KLHL8: variants seen among roughly 807,000 people sequenced by gnomAD.
The protein encoded by KLHL8 is kelch like family member 8.
In KLHL8, 38 loss-of-function variants were observed where a neutral mutation model predicts 63.5. The ratio of observed to expected loss-of-function variants is 0.60; its 90% CI spans 0.46 to 0.78. The LOEUF (loss-of-function observed/expected upper bound fraction) is 0.78, where lower values mean the gene tolerates loss of function less well. KLHL8 is among the 30% of genes least tolerant of loss of function. KLHL8 has a pLI of 0.00. For synonymous variants in KLHL8, 224 were observed against 254.3 expected, an observed-to-expected ratio of 0.88 and a Z score of 1.13; for missense variants, 566 against 752.4, an observed-to-expected ratio of 0.75 and a Z score of 2.90.
chr4:87,218,798 G>GAT (rs1732702311), intron 1 of KLHL8, among the ~76,000 whole-genome samples: 2 of 152,016 alleles, frequency 1.3e-5, no homozygotes, highest in Non-Finnish European at 2.9e-5. Context: ...GCAGTGGCAT[G>GAT]ATCTCGGTTC....
At chr4:87,187,127 A>T (rs1731292061) in intron 2 of KLHL8, among the ~76,000 whole-genome samples, 1 of 152,228 alleles carries the variant, frequency 6.6e-6, no homozygotes, top group Non-Finnish European at 1.5e-5. Flanking sequence ...AATTATTGTA[A>T]GTAGAGATGC....
intron 1 of KLHL8, among the ~76,000 whole-genome samples, chr4:87,209,933 A>C (rs1400761501): frequency 6.8e-6 from 1 of 146,916 alleles, no homozygotes; most frequent in Non-Finnish European, 1.5e-5. Context: ...GGCTTACTGC[A>C]ATCTCTGACT....
chr4:87,177,504 C>CA (rs905078762), intron 5 of KLHL8, among the ~76,000 whole-genome samples: 5 of 150,250 alleles, frequency 3.3e-5, no homozygotes, highest in Admixed American at 6.7e-5. Flanking sequence ...AACTTCATCT[C>CA]AAAAAAAACA....
At chr4:87,202,509 T>C (rs908356296) in intron 1 of KLHL8, among the ~76,000 whole-genome samples, 4 of 152,152 alleles carry the variant, frequency 2.6e-5, no homozygotes, top group African/African-American at 7.2e-5. Flanking sequence ...GAGACTATCA[T>C]TGCAAACCCC....
chr4:87,176,688 T>C (rs1730827912), intron 6 of KLHL8, 69 bp downstream of exon 6: 2 of 900,272 alleles, frequency 2.2e-6, no homozygotes, highest in Non-Finnish European at 3.5e-6. Context: ...AAGTTTAAAA[T>C]AAGGCCTTTA....
intron 2 of KLHL8, among the ~76,000 whole-genome samples, chr4:87,186,048 T>G (rs753465984): frequency 1.9e-4 from 28 of 148,154 alleles, no homozygotes; most frequent in Non-Finnish European, 2.9e-4. Context: ...AAAAAAAATT[T>G]TTTTTTTTGA....
At chr4:87,239,422 G>A (rs1200709739) in intron 1 of KLHL8, among the ~76,000 whole-genome samples, 2 of 152,216 alleles carry the variant, frequency 1.3e-5, no homozygotes, top group African/African-American at 4.8e-5. Flanking sequence ...CTTGGCAGGA[G>A]CAAAGCTCCG....
intron 1 of KLHL8, among the ~76,000 whole-genome samples, chr4:87,203,286 C>T (rs1179082805): frequency 2.0e-5 from 3 of 151,998 alleles, no homozygotes; most frequent in Non-Finnish European, 2.9e-5. Flanking sequence ...ACCTGTAATC[C>T]CAGCACTTTG....
intron 1 of KLHL8, among the ~76,000 whole-genome samples, chr4:87,198,917 T>G (rs998878878): frequency 3.9e-5 from 6 of 152,202 alleles, no homozygotes; most frequent in Non-Finnish European, 8.8e-5. Context: ...AATTTCCTAG[T>G]ACAAAAGTTA....
In KLHL8 at chr4:87,195,422, C is replaced by G; in HGVS notation, c.118G>C (p.Asp40His). ...TCATTTGCTTCAAAAATAAAGGAATCTTCTCCATCACCATCACTAATTGAG... is the reference window on the plus strand; with the variant it reads ...TCATTTGCTTCAAAAATAAAGGAATGTTCTCCATCACCATCACTAATTGAG... ...RSSISDGDGE[D>H]SFIFEANEAW... Residue 40 changes from aspartate (D) to histidine (H), a missense_variant, in exon 2 of 10, where the codon GAT becomes CAT. Asp to His is a moderately conservative substitution (Grantham distance 81). Coordinates refer to ENST00000273963, the MANE Select transcript of KLHL8 (RefSeq NM_020803.5). 6.2e-7 allele frequency: 1 copy of G among 1,613,872 alleles called. No homozygotes were observed. The highest frequency in any genetic ancestry group is 8.5e-7 in the Non-Finnish European group (1 of 1,179,876).
intron 1 of KLHL8, among the ~76,000 whole-genome samples, chr4:87,214,047 T>A (rs1025309039): frequency 4.6e-5 from 7 of 152,166 alleles, no homozygotes; most frequent in African/African-American, 1.7e-4. Context: ...TAAACAGATG[T>A]TATTACTTTT....
intron 3 of KLHL8, among the ~76,000 whole-genome samples, 166 bp from the exon 4 acceptor site, chr4:87,183,555 C>T (rs1399444072): frequency 6.6e-6 from 1 of 152,154 alleles, no homozygotes; most frequent in African/African-American, 2.4e-5. Context: ...TGAAATGTAA[C>T]ATGTTCATGA....
intron 2 of KLHL8, among the ~76,000 whole-genome samples, chr4:87,190,252 A>G (rs953318590): frequency 6.6e-6 from 1 of 152,152 alleles, no homozygotes; most frequent in Non-Finnish European, 1.5e-5. Context: ...TTGTTTTGAC[A>G]TTTACATTAT....
intron 1 of KLHL8, chr4:87,207,512 G>A (rs1319704507): frequency 6.0e-6 from 5 of 838,780 alleles, no homozygotes; most frequent in Non-Finnish European, 1.0e-5. Context: ...TATGACAACA[G>A]CCTCAAGATC....
At chr4:87,225,317 G>A (rs146053083), upstream of KLHL8, among the ~76,000 whole-genome samples, 18 of 152,256 alleles carry the variant, frequency 1.2e-4, no homozygotes, top group Non-Finnish European at 2.2e-4. Context: ...AGCACTTAGT[G>A]AGCATTTTAA....
chr4:87,163,723 T>C lies in KLHL8; in HGVS notation c.1740-81A>G, dbSNP rs1578352798. 5 of 1,582,550 alleles carry C rather than the reference T, an allele frequency of 3.2e-6. No individual in the cohort carries two copies. In the East Asian group the frequency reaches 9.0e-5, roughly 28 times the overall value. Reference sequence around the variant, plus strand: ...ACTAACCAAAGACAAAAATTCCCTATGTGAGACTGGTTTTGTAGGACAGCA... The same window carrying C: ...ACTAACCAAAGACAAAAATTCCCTACGTGAGACTGGTTTTGTAGGACAGCA... On this transcript the variant is annotated intron_variant, in intron 9 of 9. Coordinates refer to ENST00000273963, the MANE Select transcript of KLHL8 (RefSeq NM_020803.5).
In KLHL8 at chr4:87,163,942, C is replaced by T. The variant is rs1475137024; in HGVS notation, c.1675G>A (p.Val559Ile). Residue 559 changes from valine (V) to isoleucine (I), a missense_variant, in exon 9 of 10, where the codon GTT (valine) becomes ATT (isoleucine). Val to Ile is a conservative substitution (Grantham distance 29). Transcript: ENST00000273963. Reference sequence around the variant, plus strand: ...TATGCATTGCCATTATGACCACCAACTGCAAAGATTTTGCCCATCACTGTT... The same window carrying T: ...TATGCATTGCCATTATGACCACCAATTGCAAAGATTTTGCCCATCACTGTT... ...IATVMGKIFA[V>I]GGHNGNAYLN... is the part of the protein sequence containing the mutation. The T allele has an allele frequency of 1.2e-6, 2 of 1,614,206 alleles. No homozygotes were observed. Among genetic ancestry groups the T allele is most frequent in the Non-Finnish European group, 8.5e-7 (1 of 1,180,036 alleles).
In KLHL8 at chr4:87,162,583, A is replaced by C. The variant is rs895043920; in HGVS notation, c.*936T>G. The C allele has an allele frequency of 6.6e-6, 1 of 152,196 alleles. No homozygotes were observed. Among genetic ancestry groups the C allele is most frequent in the African/African-American group, 2.4e-5 (1 of 41,460 alleles). The allele number at this position is 152,196 out of a possible 1,614,324, so 9.4% of individuals were successfully genotyped here. A position where few individuals can be genotyped will look rare whatever the true frequency, so the allele number is the denominator to read the frequency against. ...AGATTGATTCTGTACAGTCAGAAAA[A>C]CCAGGATGGTGGCAAATAGCAAAAT... On this transcript the variant is annotated 3_prime_UTR_variant, in exon 10 of 10. Transcript: ENST00000273963.
At chr4:87,225,114 C>T (rs1552146), upstream of KLHL8, among the ~76,000 whole-genome samples, 2,744 of 152,014 alleles carry the variant, frequency 0.018, 77 homozygotes, top group African/African-American at 0.063. Flanking sequence ...TTAAAGTTCC[C>T]AATTTTTCTG....
Sources: allele counts gnomAD v4.1 joint callset (sites outside exome capture counted in the v4.1 genomes callset), GRCh38; gene constraint gnomAD v4.1.1; transcripts MANE v1.5; gene names NCBI Gene and HGNC (gene_info 2026-07-23, HGNC 2026-07-21).